FGD4: variants seen among roughly 807,000 people sequenced by gnomAD.
The protein encoded by FGD4 is FYVE, RhoGEF and PH domain containing 4, also known as FYVE, RhoGEF and PH domain-containing protein 4.
FGD4 carries 42 observed loss-of-function variants against 102.0 expected under a neutral mutation model. The ratio of observed to expected loss-of-function variants is 0.41; its 90% confidence interval spans 0.32 to 0.53. The LOEUF is 0.53. FGD4 is among the 20% of genes least tolerant of loss of function. The pLI, the probability that FGD4 is intolerant of heterozygous loss-of-function variation, is 0.21. For missense variants in FGD4, 902 were observed against 1,078.2 expected, an observed-to-expected ratio of 0.84 and a Z score of 2.29; for synonymous variants, 380 against 375.7, an observed-to-expected ratio of 1.01 and a Z score of -0.13.
intron 1 of FGD4, among the ~76,000 whole-genome samples, chr12:32,465,683 A>G (rs765930613): frequency 1.3e-5 from 2 of 152,076 alleles, no homozygotes; most frequent in Non-Finnish European, 2.9e-5. Context: ...AAAAAAAATC[A>G]AAGAAAGACC....
At chr12:32,639,040 AGAT>A (rs1234277682) in intron 16 of FGD4, 1 of 1,078,414 alleles carries the variant, frequency 9.3e-7, no homozygotes, top group African/African-American at 1.6e-5. Flanking sequence ...GTTTGAGAAA[AGAT>A]GAGTTGAATT....
At chr12:32,444,289 C>T (rs1431169094) in intron 1 of FGD4, among the ~76,000 whole-genome samples, 1 of 152,046 alleles carries the variant, frequency 6.6e-6, no homozygotes, top group Admixed American at 6.6e-5. Flanking sequence ...TCCCAAAGTG[C>T]TGGGGTTACA....
rs201822384 is a variant in FGD4 at position 32,638,714 on chromosome 12, G to A, written c.2373G>A (p.Glu791=). Residue 791 remains glutamate, a synonymous_variant, in exon 16 of 17, where the codon GAG becomes GAA. Transcript: ENST00000534526. ...SVVCSFLQYM[E]KSKPWQKAWC... ...TGTGCAGCTTTCTTCAGTATATGGA[G>A]AAGTCAAAACCTTGGCAGAAAGCTT... 98 of 1,614,058 alleles carry A rather than the reference G, an allele frequency of 6.1e-5. No individual in the cohort carries two copies. The highest frequency in any genetic ancestry group is 8.1e-5 in the Non-Finnish European group (96 of 1,180,038).
intron 1 of FGD4, among the ~76,000 whole-genome samples, chr12:32,500,060 G>A (rs1041550753): frequency 1.1e-4 from 17 of 152,172 alleles, no homozygotes; most frequent in Non-Finnish European, 2.2e-4. Context: ...CTGTTTATTC[G>A]TAGTGGGTAT....
chr12:32,567,296 C>G (rs186575355), intron 2 of FGD4, among the ~76,000 whole-genome samples: 5 of 152,320 alleles, frequency 3.3e-5, no homozygotes, highest in Admixed American at 6.5e-5. Flanking sequence ...TTACTGCCAA[C>G]ACCACCAGCC....
At chr12:32,529,859 T>TAAAA (rs993096878) in intron 1 of FGD4, among the ~76,000 whole-genome samples, 1 of 145,636 alleles carries the variant, frequency 6.9e-6, no homozygotes, top group Non-Finnish European at 1.5e-5. Context: ...AAAAAAAATT[T>TAAAA]AAAAAAAAAA....
At chr12:32,552,959 T>TTC (rs1176463666) in intron 1 of FGD4, among the ~76,000 whole-genome samples, 1 of 148,528 alleles carries the variant, frequency 6.7e-6, no homozygotes, top group African/African-American at 2.5e-5. Flanking sequence ...TTTTTTTTTT[T>TTC]TTTTTTGTAT....
intron 1 of FGD4, among the ~76,000 whole-genome samples, chr12:32,418,858 T>A (rs1941523265): frequency 6.6e-6 from 1 of 152,190 alleles, no homozygotes; most frequent in African/African-American, 2.4e-5. Flanking sequence ...ACACCAGGGA[T>A]TGAAGTCAAA....
chr12:32,523,249 T>C (rs1195827139), intron 1 of FGD4, among the ~76,000 whole-genome samples: 1 of 152,152 alleles, frequency 6.6e-6, no homozygotes, highest in African/African-American at 2.4e-5. Context: ...TTGGGGAGCA[T>C]AAATTTATGG....
intron 1 of FGD4, among the ~76,000 whole-genome samples, chr12:32,513,890 T>C (rs183787951): frequency 6.6e-6 from 1 of 152,350 alleles, no homozygotes; most frequent in East Asian, 1.9e-4. Flanking sequence ...ATGTATGAAA[T>C]TTGTATTCTT....
chr12:32,468,793 C>A lies in FGD4; in HGVS notation c.166+68834C>A, dbSNP rs1943337601. 2.6e-5 allele frequency among the ~76,000 whole-genome samples: 4 copies of A among 152,244 alleles called. No individual in the cohort carries two copies. The South Asian group carries it at 8.3e-4, about 32-fold the overall frequency. Reference sequence around the variant, plus strand: ...ATTTTGTAGAAAGTGAAGTTCTCACCCAAGTTATAGCATTGATTTATTCTG... The same window carrying A: ...ATTTTGTAGAAAGTGAAGTTCTCACACAAGTTATAGCATTGATTTATTCTG... On this transcript the variant is annotated intron_variant, in intron 1 of 16. Transcript: ENST00000534526.
intron 1 of FGD4, chr12:32,557,131 G>A (rs1944184600): frequency 6.6e-6 from 1 of 152,232 alleles, no homozygotes; most frequent in African/African-American, 2.4e-5. Flanking sequence ...GGGATTACAG[G>A]CCTGCGCCAC....
Position 32,534,408 on chromosome 12 carries a change from A to G in FGD4, c.167-29729A>G, listed in dbSNP as rs963792635. ...ACAGCCAGGAGTGAGATTTTATCAC[A>G]TGAACTTTAAAAGAGTAAAGCCAAA... On this transcript the variant is annotated intron_variant, in intron 1 of 16. Coordinates refer to ENST00000534526, the MANE Select transcript of FGD4 (RefSeq NM_001370298.3). 1.3e-5 allele frequency: 19 copies of G among 1,507,860 alleles called. No homozygotes were observed. In the African/African-American group the frequency reaches 1.4e-4, roughly 11 times the overall value. 93.4% of individuals were successfully genotyped at this position (1,507,860 alleles called of 1,614,324 possible).
At chr12:32,601,166 A>G (rs759961818) in intron 5 of FGD4, 112 bp from the exon 6 acceptor site, 78 of 1,094,420 alleles carry the variant, frequency 7.1e-5, no homozygotes, top group Non-Finnish European at 9.8e-5. Flanking sequence ...TGAACTGTAA[A>G]CTTTTCCATT....
chr12:32,415,651 G>A (rs959263292), intron 1 of FGD4, among the ~76,000 whole-genome samples: 4 of 152,070 alleles, frequency 2.6e-5, no homozygotes, highest in African/African-American at 9.7e-5. Flanking sequence ...TTGATCTCCT[G>A]ACCTCGTGAT....
At chr12:32,486,221 AC>A (rs1397347735) in intron 1 of FGD4, 4 of 1,345,830 alleles carry the variant, frequency 3.0e-6, no homozygotes, top group Non-Finnish European at 4.0e-6. Context: ...TGCAAAGTAT[AC>A]AATAGATGAG....
Position 32,638,605 on chromosome 12 carries a change from C to G in FGD4, c.2314-50C>G, listed in dbSNP as rs774655024. ...CACATTGTACTTTGTGAATATTTCT[C>G]TATCTGATTTGTTGTGTGTTCATTC... On this transcript the variant is annotated intron_variant, in intron 15 of 16. Coordinates refer to ENST00000534526, the MANE Select transcript of FGD4 (RefSeq NM_001370298.3). The G allele has an allele frequency of 2.5e-6, 4 of 1,606,980 alleles. No homozygotes were observed. In the South Asian group the frequency reaches 4.4e-5, roughly 18 times the overall value.
At chr12:32,427,173 A>C (rs1229705850) in intron 1 of FGD4, among the ~76,000 whole-genome samples, 1 of 151,900 alleles carries the variant, frequency 6.6e-6, no homozygotes. Context: ...TCGATTTTAG[A>C]TCTTTCCCAC....
chr12:32,544,731 CA>C lies in FGD4; in HGVS notation c.167-19394del, dbSNP rs11287949. On this transcript the variant is annotated intron_variant, in intron 1 of 16. Coordinates refer to ENST00000534526, the MANE Select transcript of FGD4 (RefSeq NM_001370298.3). The surrounding 1 kb of genome is among the most constrained non-coding windows in gnomAD (Gnocchi z 4.1). ...TGGTGACAGAAGGATACTCTGTCTC[CA>C]AAAAAAAAAAATTACTATTAAAATT... Among the ~76,000 whole-genome samples, 47,601 of 143,432 alleles carry C rather than the reference CA, an allele frequency of 0.33. 8,836 individuals carry two copies. The highest frequency in any genetic ancestry group is 0.52 in the African/African-American group (20,914 of 40,042). The allele number at this position is 143,432 out of a possible 152,430, so 94.1% of individuals were successfully genotyped here.
Sources: gnomAD v4.1 joint callset for allele counts (sites outside exome capture counted in the v4.1 genomes callset) on GRCh38, gnomAD v4.1.1 for gene constraint, Gnocchi (gnomAD v3.1) non-coding constraint, MANE v1.5 for transcripts, NCBI Gene and HGNC (gene_info 2026-07-23, HGNC 2026-07-21) for gene names.